JAKMIP2: variants seen among roughly 807,000 people sequenced by gnomAD.
JAKMIP2 encodes janus kinase and microtubule interacting protein 2.
JAKMIP2 carries 25 observed loss-of-function variants against 115.0 expected under a neutral mutation model. The ratio of observed to expected loss-of-function variants is 0.22; its 90% CI spans 0.16 to 0.30. The LOEUF (loss-of-function observed/expected upper bound fraction) is 0.30, where lower values mean the gene tolerates loss of function less well. Ranked by LOEUF, JAKMIP2 falls within the 10% of genes least tolerant of loss-of-function variation. The pLI is 1.00. For missense variants in JAKMIP2, 642 were observed against 957.6 expected (o/e 0.67, Z 4.35); for synonymous variants, 334 against 343.6 (o/e 0.97, Z 0.31).
chr5:147,726,590 C>G (rs189240236), intron 1 of JAKMIP2, among the ~76,000 whole-genome samples: 124 of 152,260 alleles, frequency 8.1e-4, no homozygotes, highest in African/African-American at 2.7e-3. Flanking sequence ...GTACTTTGTG[C>G]TATAAATTTA....
At chr5:147,654,278 G>C (rs1387228852) in intron 3 of JAKMIP2, among the ~76,000 whole-genome samples, 1 of 151,556 alleles carries the variant, frequency 6.6e-6, no homozygotes, top group Non-Finnish European at 1.5e-5. Context: ...GATGGGAATA[G>C]TGTTGATCTA....
At position 147,590,965 on chromosome 5, in the gene JAKMIP2, G is replaced by A. The variant is rs6580484; in HGVS notation, c.*742C>T. On this transcript the variant is annotated 3_prime_UTR_variant, in exon 22 of 22. Coordinates refer to ENST00000616793, the MANE Select transcript of JAKMIP2 (RefSeq NM_001270941.2). The stretch of plus-strand genomic sequence containing the variant: ...CTTTGACTTCGTTACCAGTTTTGTT[G>A]TGGTCACTGTGATCCACTTCTCATC... The A allele has an allele frequency of 0.95, 145,147 of 152,568 alleles. 69,448 individuals are homozygous for A. The highest frequency in any genetic ancestry group is 1 in the East Asian group (5,184 of 5,184). The allele number at this position is 152,568 out of a possible 1,614,324, so 9.5% of individuals were successfully genotyped here.
Position 147,623,634 on chromosome 5 carries a change from A to C in JAKMIP2, c.2051T>G (p.Leu684Trp). ...EAALHQKMME[L>W]ESDMEQFCKI... ...TCTTGTACTTACCATGTCACTTTCCAATTCCATCATTTTCTGGTGTAGGGC... is the reference window on the plus strand; with the variant it reads ...TCTTGTACTTACCATGTCACTTTCCCATTCCATCATTTTCTGGTGTAGGGC... The change falls in exon 17 of 22, where the codon TTG (leucine) becomes TGG (tryptophan). Residue 684 changes from leucine to tryptophan, a missense_variant. By Grantham distance (61) the Leu-to-Trp change is moderately conservative. Transcript: ENST00000616793. The C allele has an allele frequency of 6.2e-7, 1 of 1,606,662 alleles. No individual in the cohort carries two copies. Among genetic ancestry groups the C allele is most frequent in the Non-Finnish European group, 8.5e-7 (1 of 1,173,226 alleles).
At chr5:147,752,553 G>C (rs1308637908) in intron 1 of JAKMIP2, among the ~76,000 whole-genome samples, 1 of 152,196 alleles carries the variant, frequency 6.6e-6, no homozygotes, top group Non-Finnish European at 1.5e-5. Flanking sequence ...GGTTGTGACA[G>C]AGACCTACCT....
rs531256051 is a variant in JAKMIP2 at position 147,605,249 on chromosome 5, G to A, written c.2413-3438C>T. 1.0e-3 allele frequency among the ~76,000 whole-genome samples: 149 copies of A among 144,168 alleles called. 1 individual carries two copies. Among genetic ancestry groups the A allele is most frequent in the Admixed American group, 2.7e-3 (38 of 14,152 alleles). The allele number at this position is 144,168 out of a possible 152,430, so 94.6% of individuals were successfully genotyped here. The stretch of plus-strand genomic sequence containing the variant: ...TTTTGAGACGGAGTCTTGCTCTGTC[G>A]CCCAGGCTGGAGTGCAGTGGCATGA... On this transcript the variant is annotated intron_variant, in intron 20 of 21. Coordinates refer to ENST00000616793, the MANE Select transcript of JAKMIP2 (RefSeq NM_001270941.2).
chr5:147,623,761 G>GAAGGGGAAACATAGAGCTGT (rs1756963108), intron 16 of JAKMIP2, 72 bp from the exon 17 acceptor site: 1 of 917,120 alleles, frequency 1.1e-6, no homozygotes, highest in African/African-American at 1.7e-5. Flanking sequence ...GCCCCCATGA[G>GAAGGGGAAACATAGAGCTGT]GTGCTCCGTC....
Position 147,637,059 on chromosome 5 carries a change from CA to C in JAKMIP2, c.1531-12del. The C allele has an allele frequency of 1.1e-6, 1 of 872,300 alleles. No homozygotes were observed. Among genetic ancestry groups the C allele is most frequent in the Non-Finnish European group, 2.0e-6 (1 of 501,542 alleles). The allele number at this position is 872,300 out of a possible 1,614,324, so 54.0% of individuals were successfully genotyped here. ...GAGCTGTTCTTGAGCCTGGTGAAACCAAAATTCCAGAACTCAGCAAGTAAAA... is the reference window on the plus strand; with the variant it reads ...GAGCTGTTCTTGAGCCTGGTGAAACCAAATTCCAGAACTCAGCAAGTAAAA... On this transcript the variant is annotated splice_polypyrimidine_tract_variant and intron_variant, in intron 10 of 21. Transcript: ENST00000616793.
chr5:147,604,970 C>G (rs1036151922), intron 20 of JAKMIP2, among the ~76,000 whole-genome samples: 2 of 151,698 alleles, frequency 1.3e-5, no homozygotes, highest in African/African-American at 4.8e-5. Context: ...TGCTATCCCT[C>G]CCCTTGCTCC....
chr5:147,674,466 C>T (rs187024214), intron 1 of JAKMIP2, among the ~76,000 whole-genome samples: 11 of 152,130 alleles, frequency 7.2e-5, no homozygotes, highest in Admixed American at 7.2e-4. Context: ...AAACCTGAAG[C>T]CACAAATTTG....
At position 147,721,172 on chromosome 5, in the gene JAKMIP2, G is replaced by T. The variant is rs996440446; in HGVS notation, c.-148-49218C>A. 1.7e-3 allele frequency among the ~76,000 whole-genome samples: 260 copies of T among 151,458 alleles called. 3 individuals are homozygous for T. Among genetic ancestry groups the T allele is most frequent in the Middle Eastern group, 6.8e-3 (2 of 292 alleles). On this transcript the variant is annotated intron_variant, in intron 1 of 21. Transcript: ENST00000616793. ...CAGTTAGGCTGCTCGGGGGTCAGGA[G>T]TCAGGGACCCACTTGAGGAGGCAGT... is the stretch of plus-strand genomic sequence containing the variant.
At chr5:147,691,501 C>T (rs755979008) in intron 1 of JAKMIP2, among the ~76,000 whole-genome samples, 3 of 152,144 alleles carry the variant, frequency 2.0e-5, no homozygotes, top group Non-Finnish European at 4.4e-5. Context: ...ACGATGCAGA[C>T]GCTATACTCA....
chr5:147,699,886 C>T (rs1215629303), intron 1 of JAKMIP2, among the ~76,000 whole-genome samples: 1 of 152,204 alleles, frequency 6.6e-6, no homozygotes, highest in Non-Finnish European at 1.5e-5. Context: ...GGAAAACTGT[C>T]TATTCAAACT....
chr5:147,643,084 T>C (rs1757958783), intron 7 of JAKMIP2, among the ~76,000 whole-genome samples: 1 of 152,090 alleles, frequency 6.6e-6, no homozygotes, highest in African/African-American at 2.4e-5. Flanking sequence ...GGACCTCACC[T>C]TGCGATCGTG....
intron 20 of JAKMIP2, among the ~76,000 whole-genome samples, chr5:147,605,804 T>C (rs775651387): frequency 2.0e-5 from 3 of 152,220 alleles, no homozygotes; most frequent in Non-Finnish European, 4.4e-5. Flanking sequence ...CCGCCAATCA[T>C]GTAAAATCAT....
chr5:147,704,504 C>A (rs999858778), intron 1 of JAKMIP2, among the ~76,000 whole-genome samples: 1 of 152,084 alleles, frequency 6.6e-6, no homozygotes, highest in Admixed American at 6.5e-5. Context: ...TCCTGGCCTC[C>A]TTTTACTGGG....
At chr5:147,595,393 T>C (rs1222361235) in intron 21 of JAKMIP2, 4 of 455,876 alleles carry the variant, frequency 8.8e-6, no homozygotes, top group Non-Finnish European at 4.4e-6. Context: ...TAGGCTCTTT[T>C]GCCCCTCTGT....
Position 147,641,647 on chromosome 5 carries a change from G to GCCA in JAKMIP2, c.1281+58_1281+60dup, listed in dbSNP as rs201634246. 3.4e-3 allele frequency: 4,073 copies of GCCA among 1,200,872 alleles called. 160 individuals carry two copies. The Admixed American group carries it at 0.064, about 19-fold the overall frequency. 74.4% of individuals were successfully genotyped at this position (1,200,872 alleles called of 1,614,324 possible). ...TCACATCTTTGTAGGAAGATTCCAT[G>GCCA]CCAAGCCTCATCTCTCTGGCTGTTT... On this transcript the variant is annotated intron_variant, in intron 8 of 21. Coordinates refer to ENST00000616793, the MANE Select transcript of JAKMIP2 (RefSeq NM_001270941.2).
chr5:147,643,539 CT>C (rs1757978196), intron 7 of JAKMIP2, among the ~76,000 whole-genome samples: 1 of 152,182 alleles, frequency 6.6e-6, no homozygotes, highest in Non-Finnish European at 1.5e-5. Context: ...GCTCTACCCA[CT>C]CAGTAGGTAC....
chr5:147,591,555 C>T lies in JAKMIP2; in HGVS notation c.*152G>A. On this transcript the variant is annotated 3_prime_UTR_variant, in exon 22 of 22. Transcript: ENST00000616793. ...AACCTTGAATAATGGCTTTAAAATA[C>T]ACAGTTGTAGTCCTGGCTACAGGGT... 2 of 807,208 alleles carry T rather than the reference C, an allele frequency of 2.5e-6. No homozygotes were observed. The highest frequency in any genetic ancestry group is 4.2e-6 in the Non-Finnish European group (2 of 477,246). The allele number at this position is 807,208 out of a possible 1,614,324, so 50.0% of individuals were successfully genotyped here.
Sources: gnomAD v4.1 joint callset for allele counts (sites outside exome capture counted in the v4.1 genomes callset) on GRCh38, gnomAD v4.1.1 for gene constraint, MANE v1.5 for transcripts, NCBI Gene and HGNC (gene_info 2026-07-23, HGNC 2026-07-21) for gene names.